Variants in FAM13A observed in about 807,000 individuals in gnomAD.
FAM13A encodes the protein family with sequence similarity 13 member A, also known as protein FAM13A.
In FAM13A, 76 loss-of-function variants were observed where a neutral mutation model predicts 129.6. The observed-to-expected ratio is 0.59, with a 90% CI of 0.49 to 0.71. FAM13A has a LOEUF of 0.71. FAM13A is among the 30% of genes least tolerant of loss of function. The pLI is 0.00. For missense variants in FAM13A, 1,108 were observed against 1,249.3 expected, an observed-to-expected ratio of 0.89 and a Z score of 1.70; for synonymous variants, 443 against 449.9, an observed-to-expected ratio of 0.98 and a Z score of 0.20.
intron 4 of FAM13A, among the ~76,000 whole-genome samples, chr4:88,960,680 A>T (rs1476209997): frequency 1.3e-5 from 2 of 152,184 alleles, no homozygotes; most frequent in African/African-American, 4.8e-5. Context: ...GGTATCCTCA[A>T]TTCCCTTTTT....
intron 1 of FAM13A, among the ~76,000 whole-genome samples, chr4:89,045,020 G>A (rs1318822340): frequency 6.6e-6 from 1 of 152,098 alleles, no homozygotes; most frequent in East Asian, 1.9e-4. Context: ...ACAACATTGT[G>A]AATATGCTTA....
At chr4:88,755,736 T>C (rs1272243134) in intron 14 of FAM13A, among the ~76,000 whole-genome samples, 1 of 152,222 alleles carries the variant, frequency 6.6e-6, no homozygotes, top group Non-Finnish European at 1.5e-5. Context: ...TTTAGAGAAT[T>C]TCCTTTCCAA....
chr4:89,048,128 C>T (rs1771098395), intron 1 of FAM13A, among the ~76,000 whole-genome samples: 1 of 152,058 alleles, frequency 6.6e-6, no homozygotes, highest in Non-Finnish European at 1.5e-5. Context: ...AATTCTACTC[C>T]TAGGTACCTA....
chr4:88,769,544 T>C (rs1720192526), intron 11 of FAM13A, among the ~76,000 whole-genome samples: 1 of 152,066 alleles, frequency 6.6e-6, no homozygotes, highest in Non-Finnish European at 1.5e-5. Flanking sequence ...TGTAAAGTAC[T>C]AGAATAATGA....
chr4:88,730,162 A>G (rs1014737676), intron 23 of FAM13A: 4 of 152,216 alleles, frequency 2.6e-5, no homozygotes, highest in African/African-American at 9.6e-5. Context: ...AGGACTCAAG[A>G]GAAACAATAC....
chr4:89,003,680 T>C (rs1427239476), intron 3 of FAM13A, among the ~76,000 whole-genome samples: 1 of 151,840 alleles, frequency 6.6e-6, no homozygotes, highest in Admixed American at 6.6e-5. Flanking sequence ...AAGACAAATA[T>C]TGTCAGAAAA....
At chr4:88,748,887 G>T in intron 17 of FAM13A, 65 bp downstream of exon 17, 1 of 1,093,494 alleles carries the variant, frequency 9.1e-7, no homozygotes. Context: ...CTCAGTGGGA[G>T]AGGAGGTGAG....
intron 4 of FAM13A, among the ~76,000 whole-genome samples, chr4:88,974,272 G>A (rs1760589109): frequency 6.6e-6 from 1 of 151,956 alleles, no homozygotes; most frequent in Non-Finnish European, 1.5e-5. Context: ...GTTTCCACTG[G>A]GGCAAATAGT....
chr4:88,985,226 G>A (rs1762088519), intron 4 of FAM13A, among the ~76,000 whole-genome samples: 2 of 152,184 alleles, frequency 1.3e-5, no homozygotes, highest in South Asian at 4.1e-4. Context: ...TATATGAAAT[G>A]TCCAGAATAG....
At chr4:88,756,426 T>C (rs1743650837) in intron 14 of FAM13A, among the ~76,000 whole-genome samples, 1 of 152,176 alleles carries the variant, frequency 6.6e-6, no homozygotes, top group Admixed American at 6.5e-5. Context: ...CTGCTGGTGC[T>C]CGCCTCTGCA....
At chr4:88,937,024 T>G (rs1753965131) in intron 5 of FAM13A, 1 of 151,900 alleles carries the variant, frequency 6.6e-6, no homozygotes, top group Non-Finnish European at 1.5e-5. Flanking sequence ...GTAATGTTGT[T>G]TTCTTATTTT....
chr4:89,017,125 C>G lies in FAM13A; in HGVS notation c.427+3335G>C, dbSNP rs1488942573. Among the ~76,000 whole-genome samples, 2 of 152,112 alleles carry G rather than the reference C, an allele frequency of 1.3e-5. 1 individual carries two copies. Among genetic ancestry groups the G allele is most frequent in the African/African-American group, 4.8e-5 (2 of 41,418 alleles). ...TTGTGTAAGTATACTGTATGATGTT[C>G]ACACAACAATGAAATCACCTAATAA... On this transcript the variant is annotated intron_variant, in intron 3 of 23. Coordinates refer to ENST00000264344, the MANE Select transcript of FAM13A (RefSeq NM_014883.4).
At chr4:88,937,315 T>C (rs1168108793) in intron 5 of FAM13A, 1 of 152,156 alleles carries the variant, frequency 6.6e-6, no homozygotes, top group Non-Finnish European at 1.5e-5. Context: ...GCAAAGAGTA[T>C]GTTATGGTCT....
chr4:88,858,080 T>C (rs1349937409), intron 6 of FAM13A, among the ~76,000 whole-genome samples: 1 of 152,228 alleles, frequency 6.6e-6, no homozygotes, highest in African/African-American at 2.4e-5. Context: ...TCTGAATTTA[T>C]AGAGTAAAAG....
intron 6 of FAM13A, among the ~76,000 whole-genome samples, chr4:88,873,782 T>G (rs888759561): frequency 6.6e-6 from 1 of 152,172 alleles, no homozygotes; most frequent in African/African-American, 2.4e-5. Context: ...CCCTAACTCA[T>G]TTTATGAGGC....
intron 4 of FAM13A, among the ~76,000 whole-genome samples, chr4:88,938,590 A>C (rs1754207430): frequency 6.6e-6 from 1 of 152,218 alleles, no homozygotes; most frequent in Admixed American, 6.5e-5. Context: ...ATAGCCACAC[A>C]AATAATAGCA....
At chr4:89,055,327 A>G (rs74952027) in intron 1 of FAM13A, among the ~76,000 whole-genome samples, 4,578 of 152,270 alleles carry the variant, frequency 0.03, 96 homozygotes, top group Non-Finnish European at 0.038. Context: ...AGACAGCACA[A>G]TCAAAGGCCA....
chr4:88,983,134 A>G (rs964544156), intron 4 of FAM13A, among the ~76,000 whole-genome samples: 1 of 152,140 alleles, frequency 6.6e-6, no homozygotes, highest in South Asian at 2.1e-4. Flanking sequence ...CCTTATAGGT[A>G]TAAGGAAAGA....
chr4:88,783,377 G>A (rs1314320631), intron 10 of FAM13A, among the ~76,000 whole-genome samples: 1 of 151,892 alleles, frequency 6.6e-6, no homozygotes, highest in Non-Finnish European at 1.5e-5. Context: ...TAGGCTCACT[G>A]CAAACTCGAC....
Sources: gnomAD v4.1 joint callset for allele counts (sites outside exome capture counted in the v4.1 genomes callset) on GRCh38, gnomAD v4.1.1 for gene constraint, MANE v1.5 for transcripts, NCBI Gene and HGNC (gene_info 2026-07-23, HGNC 2026-07-21) for gene names.